Variants in SDK1 observed in about 807,000 individuals in gnomAD.
SDK1 encodes the protein sidekick cell adhesion molecule 1.
SDK1 carries 157 observed loss-of-function variants against 245.5 expected under a neutral mutation model. The ratio of observed to expected loss-of-function variants is 0.64; its 90% confidence interval spans 0.56 to 0.73. SDK1 has a LOEUF of 0.73. SDK1 is among the 30% of genes least tolerant of loss of function. The pLI is 0.00. For synonymous variants in SDK1, 1,647 were observed against 1,278.5 expected (o/e 1.29, Z -6.15); for missense variants, 3,583 against 3,002.3 (o/e 1.19, Z -4.52).
intron 1 of SDK1, among the ~76,000 whole-genome samples, chr7:3,417,383 C>G (rs1203554948): frequency 1.3e-5 from 2 of 152,196 alleles, no homozygotes; most frequent in African/African-American, 4.8e-5. Flanking sequence ...TCTTAGTTCT[C>G]AAGTTTGCCA....
Position 4,219,308 on chromosome 7 carries a change from C to T in SDK1, c.5540-801C>T, listed in dbSNP as rs114302179. Among the ~76,000 whole-genome samples the T allele has an allele frequency of 6.7e-3, 1,024 of 152,266 alleles. 10 individuals are homozygous for T. Among genetic ancestry groups the T allele is most frequent in the African/African-American group, 0.023 (963 of 41,548 alleles). ...TCTTCCTACATCTTGTATACGCTCCCTGTGTTAATCTGTTCTCACACTGCT... is the reference window on the plus strand; with the variant it reads ...TCTTCCTACATCTTGTATACGCTCCTTGTGTTAATCTGTTCTCACACTGCT... On this transcript the variant is annotated intron_variant, in intron 38 of 44. Coordinates refer to ENST00000404826, the MANE Select transcript of SDK1 (RefSeq NM_152744.4).
chr7:3,490,754 T>G (rs1232236840), intron 1 of SDK1, among the ~76,000 whole-genome samples: 2 of 152,226 alleles, frequency 1.3e-5, no homozygotes, highest in Non-Finnish European at 2.9e-5. Flanking sequence ...CCTGAGCTCC[T>G]GTCTTACAGT....
chr7:3,857,167 A>G (rs1371680890), intron 5 of SDK1, among the ~76,000 whole-genome samples: 1 of 152,204 alleles, frequency 6.6e-6, no homozygotes, highest in African/African-American at 2.4e-5. Context: ...TCTACTGGAA[A>G]CAACATACTG....
chr7:3,950,479 A>C (rs567789453), intron 5 of SDK1, among the ~76,000 whole-genome samples: 2 of 152,334 alleles, frequency 1.3e-5, no homozygotes, highest in East Asian at 3.9e-4. Context: ...GAGGGACCAC[A>C]TTCGCATAAC....
At chr7:3,411,580 GA>G (rs1315615290) in intron 1 of SDK1, among the ~76,000 whole-genome samples, 2 of 152,104 alleles carry the variant, frequency 1.3e-5, no homozygotes, top group Non-Finnish European at 2.9e-5. Flanking sequence ...CTATCTTATG[GA>G]TCTGTGATAC....
chr7:3,634,297 A>ACC (rs1324014814), intron 2 of SDK1, among the ~76,000 whole-genome samples: 1 of 152,120 alleles, frequency 6.6e-6, no homozygotes, highest in African/African-American at 2.4e-5. Context: ...GCTGAGATGG[A>ACC]CCCGATGCTG....
chr7:4,265,252 C>G lies in SDK1; in HGVS notation c.6510C>G (p.Tyr2170Ter), dbSNP rs746084034. ...AQGRAPAPHR[Y>*]EAVAGSEAGA... The stretch of plus-strand genomic sequence containing the variant: ...GCCGCGCACCTGCGCCGCACAGGTA[C>G]GAGGCGGTGGCGGGCTCCGAGGCGG... Residue 2170 changes from tyrosine to a stop codon, truncating the protein, a stop_gained, in exon 45 of 45, where the codon TAC becomes TAG. Coordinates refer to ENST00000404826, the MANE Select transcript of SDK1 (RefSeq NM_152744.4). LOFTEE classifies it high-confidence loss of function. 1 of 1,603,826 alleles carries G rather than the reference C, an allele frequency of 6.2e-7. No homozygotes were observed. The highest frequency in any genetic ancestry group is 8.5e-7 in the Non-Finnish European group (1 of 1,178,378).
chr7:3,305,704 A>C (rs1040080812), intron 1 of SDK1, among the ~76,000 whole-genome samples: 5 of 152,192 alleles, frequency 3.3e-5, no homozygotes, highest in Non-Finnish European at 7.3e-5. Context: ...AGTTAATTAA[A>C]TTTTATTAGG....
intron 14 of SDK1, among the ~76,000 whole-genome samples, chr7:4,003,382 A>C (rs1342044805): frequency 6.6e-6 from 1 of 152,200 alleles, no homozygotes; most frequent in Admixed American, 6.5e-5. Context: ...CTGTGACACT[A>C]GTATGGTGCC....
intron 1 of SDK1, among the ~76,000 whole-genome samples, chr7:3,409,537 T>C (rs1779144232): frequency 6.6e-6 from 1 of 152,148 alleles, no homozygotes; most frequent in Non-Finnish European, 1.5e-5. Flanking sequence ...CAAATGTACA[T>C]TTAGTGAAGT....
chr7:3,894,395 T>C (rs1781542271), intron 5 of SDK1, among the ~76,000 whole-genome samples: 1 of 151,692 alleles, frequency 6.6e-6, no homozygotes, highest in African/African-American at 2.4e-5. Flanking sequence ...TCCATGCCTG[T>C]ACTGGAAGCT....
At chr7:3,525,182 G>A (rs1365919375) in intron 1 of SDK1, among the ~76,000 whole-genome samples, 1 of 152,040 alleles carries the variant, frequency 6.6e-6, no homozygotes, top group Non-Finnish European at 1.5e-5. Context: ...AGCATCTGAG[G>A]TTTTGGGTAT....
chr7:3,401,552 C>A (rs536650062), intron 1 of SDK1, among the ~76,000 whole-genome samples: 1 of 152,154 alleles, frequency 6.6e-6, no homozygotes, highest in Non-Finnish European at 1.5e-5. Flanking sequence ...CCACTCATGG[C>A]CCAGGTGAGT....
At chr7:3,773,201 C>T (rs925875284) in intron 4 of SDK1, among the ~76,000 whole-genome samples, 3 of 152,140 alleles carry the variant, frequency 2.0e-5, no homozygotes, top group Non-Finnish European at 4.4e-5. Context: ...TATTGTGTCC[C>T]TCAAGTCCCT....
At chr7:4,017,619 T>G (rs1361888570) in intron 17 of SDK1, among the ~76,000 whole-genome samples, 2 of 152,206 alleles carry the variant, frequency 1.3e-5, no homozygotes, top group Non-Finnish European at 1.5e-5. Context: ...GTGCATCTAG[T>G]CTTGAAAAGT....
chr7:3,480,082 A>T (rs1438840555), intron 1 of SDK1, among the ~76,000 whole-genome samples: 1 of 152,220 alleles, frequency 6.6e-6, no homozygotes, highest in Non-Finnish European at 1.5e-5. Flanking sequence ...GAATTAAGAT[A>T]GCAGAAGGAA....
chr7:3,691,942 T>G (rs1189681658), intron 4 of SDK1, among the ~76,000 whole-genome samples: 1 of 152,104 alleles, frequency 6.6e-6, no homozygotes, highest in Non-Finnish European at 1.5e-5. Flanking sequence ...TGACCTTGCT[T>G]TTCCACTCCC....
In SDK1 at chr7:3,333,375, G is replaced by A. The variant is rs551930871; in HGVS notation, c.298+31491G>A. Among the ~76,000 whole-genome samples the A allele has an allele frequency of 1.4e-3, 208 of 152,254 alleles. 4 individuals are homozygous for A. Among genetic ancestry groups the A allele is most frequent in the African/African-American group, 4.9e-3 (202 of 41,534 alleles). ...TGTGCCATTTTCTGCAGAGGTGTTCGTTACATTTCATAACCTTATGTTGCC... is the reference window on the plus strand; with the variant it reads ...TGTGCCATTTTCTGCAGAGGTGTTCATTACATTTCATAACCTTATGTTGCC... On this transcript the variant is annotated intron_variant, in intron 1 of 44. Transcript: ENST00000404826.
chr7:3,573,212 GC>G (rs1780173054), intron 1 of SDK1, among the ~76,000 whole-genome samples: 1 of 152,114 alleles, frequency 6.6e-6, no homozygotes, highest in Admixed American at 6.5e-5. Context: ...TGGAGACTGT[GC>G]TGGGAGGGTG....
Sources: allele counts gnomAD v4.1 joint callset (sites outside exome capture counted in the v4.1 genomes callset), GRCh38; gene constraint gnomAD v4.1.1; transcripts MANE v1.5; gene names NCBI Gene and HGNC (gene_info 2026-07-23, HGNC 2026-07-21).